Variants in FPGT observed in about 807,000 individuals in gnomAD.
FPGT encodes GDP-L-fucose diphosphorylase.
A neutral mutation model predicts 45.8 loss-of-function variants in FPGT; 41 were observed. That is an observed-to-expected ratio of 0.90 (90% CI 0.70 to 1.16). The LOEUF is 1.16. FPGT is among the 50% of genes most tolerant of loss of function. The probability of loss-of-function intolerance (pLI) is 0.00; values close to 1 mark genes in which losing one functional copy is unlikely to be tolerated. For missense variants in FPGT, 755 were observed against 689.1 expected, an observed-to-expected ratio of 1.10 and a Z score of -1.07; for synonymous variants, 292 against 247.2, an observed-to-expected ratio of 1.18 and a Z score of -1.70.
At position 74,208,586 on chromosome 1, in the gene FPGT, G is replaced by A. The variant is rs185318031; in HGVS notation, c.*2754G>A. On this transcript the variant is annotated 3_prime_UTR_variant, in exon 4 of 4. Coordinates refer to ENST00000370898, the MANE Select transcript of FPGT (RefSeq NM_003838.5). ...TTTAATAACTATCAACAAGGGCATG[G>A]GAAAAATTCAACATTTGATAATAAT... Among the ~76,000 whole-genome samples, 189 of 152,020 alleles carry A rather than the reference G, an allele frequency of 1.2e-3. 1 individual carries two copies. The Middle Eastern group carries it at 0.014, about 11-fold the overall frequency.
At position 74,199,743 on chromosome 1, in the gene FPGT, C is replaced by T. The variant is rs757805088; in HGVS notation, c.162C>T (p.Asn54=). The T allele has an allele frequency of 3.1e-6, 5 of 1,614,010 alleles. No homozygotes were observed. The highest frequency in any genetic ancestry group is 4.2e-6 in the Non-Finnish European group (5 of 1,180,024). ...AADEKQELAY[N]QQLSEKLKRK... is the part of the protein sequence containing the mutation. ...ATGAAAAACAGGAACTTGCTTACAACCAACAGCTGTCAGAAAAGCTGAAAA... is the reference window on the plus strand; with the variant it reads ...ATGAAAAACAGGAACTTGCTTACAATCAACAGCTGTCAGAAAAGCTGAAAA... Residue 54 remains asparagine, a synonymous_variant, in exon 2 of 4, where the codon AAC becomes AAT. Coordinates refer to ENST00000370898, the MANE Select transcript of FPGT (RefSeq NM_003838.5).
rs933271866 is a variant in FPGT at position 74,199,768 on chromosome 1, A to C, written c.187A>C (p.Arg63=). The C allele has an allele frequency of 1.2e-6, 2 of 1,614,076 alleles. No individual in the cohort carries two copies. The highest frequency in any genetic ancestry group is 2.7e-5 in the African/African-American group (2 of 74,938). ...YNQQLSEKLK[R]KELPLGVQYH... ...CCAACAGCTGTCAGAAAAGCTGAAA[A>C]GAAAGGAGTTACCCCTTGGAGTTCA... Residue 63 remains arginine, a synonymous_variant, in exon 2 of 4, where the codon AGA becomes CGA. Coordinates refer to ENST00000370898, the MANE Select transcript of FPGT (RefSeq NM_003838.5).
chr1:74,207,856 A>G lies in FPGT; in HGVS notation c.*2024A>G, dbSNP rs1325083572. Among the ~76,000 whole-genome samples, 2 of 152,036 alleles carry G rather than the reference A, an allele frequency of 1.3e-5. No homozygotes were observed. The highest frequency in any genetic ancestry group is 1.3e-4 in the Admixed American group (2 of 15,242). On this transcript the variant is annotated 3_prime_UTR_variant, in exon 4 of 4. Transcript: ENST00000370898. ...ATGTTATATGTTTATTAAGTGCTCA[A>G]TACTGTATTTTAACCTAATCTGAAT...
intron 2 of FPGT, among the ~76,000 whole-genome samples, chr1:74,200,468 C>T: frequency 6.7e-6 from 1 of 149,410 alleles, no homozygotes; most frequent in East Asian, 1.9e-4. Flanking sequence ...TTAATCCTTA[C>T]AACTATGAGG....
In FPGT at chr1:74,206,009, C is replaced by G; in HGVS notation, c.*177C>G. 4.4e-6 allele frequency: 2 copies of G among 453,924 alleles called. No homozygotes were observed. The highest frequency in any genetic ancestry group is 7.7e-6 in the Non-Finnish European group (2 of 258,756). 28.1% of individuals were successfully genotyped at this position (453,924 alleles called of 1,614,324 possible). ...CATTTTGATGAAAAATATTCCAAGA[C>G]TAAGTTGAGAAAAGAGATACTATTT... On this transcript the variant is annotated 3_prime_UTR_variant, in exon 4 of 4. Transcript: ENST00000370898.
chr1:74,205,478 GAA>G lies in FPGT; in HGVS notation c.1435_1436del (p.Lys479GlufsTer28). On this transcript the variant is annotated frameshift_variant, in exon 4 of 4. Coordinates refer to ENST00000370898, the MANE Select transcript of FPGT (RefSeq NM_003838.5). LOFTEE classifies it high-confidence loss of function. Reference sequence around the variant, plus strand: ...TGGCATTTGGAGTGCAAGACAACTTGAAAAAGAGTGTGAAAACATTGTCAGAT... The same window carrying G: ...TGGCATTTGGAGTGCAAGACAACTTGAAAGAGTGTGAAAACATTGTCAGAT... ...TMAFGVQDNL[K>X]KSVKTLSDIK... The G allele has an allele frequency of 6.2e-7, 1 of 1,613,576 alleles. No homozygotes were observed. The highest frequency in any genetic ancestry group is 8.5e-7 in the Non-Finnish European group (1 of 1,179,538).
In FPGT at chr1:74,204,776, T is replaced by A. The variant is rs781280156; in HGVS notation, c.729T>A (p.Cys243Ter). Residue 243 changes from cysteine (C) to a stop codon, truncating the protein, a stop_gained, in exon 4 of 4, where the codon TGT becomes TGA. Transcript: ENST00000370898. LOFTEE classifies it high-confidence loss of function. ...AGATGTATCAGTTTAATGCTGTGTG[T>A]AGACCTGGAAATTTTTGTCAACAGG... ...IEKMYQFNAV[C>*]RPGNFCQQDF... The A allele has an allele frequency of 1.9e-6, 3 of 1,613,904 alleles. No homozygotes were observed. The highest frequency in any genetic ancestry group is 1.6e-4 in the Middle Eastern group (1 of 6,062).
intron 3 of FPGT, among the ~76,000 whole-genome samples, 200 bp from the exon 4 acceptor site, chr1:74,204,191 A>G (rs534041974): frequency 4.6e-5 from 7 of 152,160 alleles, no homozygotes; most frequent in Non-Finnish European, 7.3e-5. Flanking sequence ...TCTTATATCA[A>G]ATGGCAACAA....
At position 74,204,947 on chromosome 1, in the gene FPGT, C is replaced by G. The variant is rs770826837; in HGVS notation, c.900C>G (p.Ala300=). The change falls in exon 4 of 4, where the codon GCC becomes GCG. Residue 300 remains alanine (A), a synonymous_variant. Transcript: ENST00000370898. ...KIGTLSCEID[A]YGDFLQALGP... is the part of the protein sequence containing the mutation. ...GCACACTGAGCTGTGAAATAGATGC[C>G]TATGGTGACTTTCTGCAGGCTTTGG... is the stretch of plus-strand genomic sequence containing the variant. 1.2e-6 allele frequency: 2 copies of G among 1,614,040 alleles called. No homozygotes were observed. The highest frequency in any genetic ancestry group is 1.1e-5 in the South Asian group (1 of 91,072).
chr1:74,199,310 T>C (rs1021203758), intron 1 of FPGT, among the ~76,000 whole-genome samples: 2 of 152,230 alleles, frequency 1.3e-5, no homozygotes, highest in African/African-American at 4.8e-5. Flanking sequence ...TGTTTATGTT[T>C]ATCTCCTCTT....
At position 74,205,483 on chromosome 1, in the gene FPGT, A is replaced by ATTTC. The variant is rs763292758; in HGVS notation, c.1436_1437insTTTC (p.Lys479AsnfsTer30). 86 of 1,613,398 alleles carry ATTTC rather than the reference A, an allele frequency of 5.3e-5. No homozygotes were observed. The highest frequency in any genetic ancestry group is 6.1e-5 in the Non-Finnish European group (72 of 1,179,408). On this transcript the variant is annotated frameshift_variant, in exon 4 of 4. Transcript: ENST00000370898. LOFTEE classifies it high-confidence loss of function. ...TTTGGAGTGCAAGACAACTTGAAAA[A>ATTTC]GAGTGTGAAAACATTGTCAGATATA...
rs765172400 is a variant in FPGT, at chr1:74,204,499, A to G, written c.452A>G (p.Tyr151Cys). 20 of 1,610,354 alleles carry G rather than the reference A, an allele frequency of 1.2e-5. No individual in the cohort carries two copies. Among genetic ancestry groups the G allele is most frequent in the Non-Finnish European group, 8.5e-6 (10 of 1,176,680 alleles). ...ATGCTAGAATTAAAACTAGCCATGT[A>G]CATTGATTTCCCCTTAAATATGAAT... ...YQMLELKLAMYIDFPLNMNPG... is the reference protein window; with the variant it reads ...YQMLELKLAMCIDFPLNMNPG... Residue 151 changes from tyrosine (Y) to cysteine (C), a missense_variant, in exon 4 of 4, where the codon TAC (tyrosine) becomes TGC (cysteine). Physicochemically the swap from Tyr to Cys is radical, Grantham distance 194. Transcript: ENST00000370898.
chr1:74,205,366 A>G lies in FPGT; in HGVS notation c.1319A>G (p.Tyr440Cys), dbSNP rs1302097993. Residue 440 changes from tyrosine (Y) to cysteine (C), a missense_variant, in exon 4 of 4, where the codon TAC (tyrosine) becomes TGC (cysteine). Coordinates refer to ENST00000370898, the MANE Select transcript of FPGT (RefSeq NM_003838.5). ...GAAAACTGCATTATTAGTGGTTCTT[A>G]CATCCTAACAAAAGCTGCCCTCCCC... ...VGENCIISGS[Y>C]ILTKAALPAH... The G allele has an allele frequency of 1.2e-6, 2 of 1,614,116 alleles. No individual in the cohort carries two copies. Among genetic ancestry groups the G allele is most frequent in the Admixed American group, 3.3e-5 (2 of 60,020 alleles).
chr1:74,205,182 C>T lies in FPGT; in HGVS notation c.1135C>T (p.Leu379Phe), dbSNP rs769365683. The T allele has an allele frequency of 1.2e-6, 2 of 1,613,770 alleles. No homozygotes were observed. The highest frequency in any genetic ancestry group is 8.5e-7 in the Non-Finnish European group (1 of 1,179,710). The change falls in exon 4 of 4, where the codon CTC becomes TTC. Residue 379 changes from leucine to phenylalanine, a missense_variant. Physicochemically the swap from Leu to Phe is conservative, Grantham distance 22 (BLOSUM62 0). Transcript: ENST00000370898. ...FTSDNSLKSE[L>F]GLQSITFSIF... is the part of the protein sequence containing the mutation. ...CTCAGATAACAGTTTAAAGTCAGAG[C>T]TCGGCTTACAGTCCATAACTTTTAG...
Position 74,204,884 on chromosome 1 carries a change from A to C in FPGT, c.837A>C (p.Lys279Asn). The change falls in exon 4 of 4, where the codon AAA (lysine) becomes AAC (asparagine). Residue 279 changes from lysine (K) to asparagine (N), a missense_variant. Transcript: ENST00000370898. ...ATAGCCTATTTTATATGGATCATAA[A>C]TCAGCAAAAATGTTACTTGCTTTTT... ...YTDSLFYMDH[K>N]SAKMLLAFYE... 1 of 1,613,856 alleles carries C rather than the reference A, an allele frequency of 6.2e-7. No homozygotes were observed.
Position 74,205,388 on chromosome 1 carries a change from C to A in FPGT, c.1341C>A (p.Leu447=), listed in dbSNP as rs1652190068. The A allele has an allele frequency of 6.2e-7, 1 of 1,613,878 alleles. No individual in the cohort carries two copies. Residue 447 remains leucine (L), a synonymous_variant, in exon 4 of 4, where the codon CTC becomes CTA. Coordinates refer to ENST00000370898, the MANE Select transcript of FPGT (RefSeq NM_003838.5). ...CTTACATCCTAACAAAAGCTGCCCT[C>A]CCCGCACATTCTTTTGTATGTTCCT... is the stretch of plus-strand genomic sequence containing the variant. ...SGSYILTKAA[L]PAHSFVCSLS... is the part of the protein sequence containing the mutation.
chr1:74,204,602 A>G lies in FPGT; in HGVS notation c.555A>G (p.Lys185=), dbSNP rs1158223211. 6.2e-7 allele frequency: 1 copy of G among 1,613,606 alleles called. No individual in the cohort carries two copies. Among genetic ancestry groups the G allele is most frequent in the Non-Finnish European group, 8.5e-7 (1 of 1,179,688 alleles). The change falls in exon 4 of 4, where the codon AAA becomes AAG. Residue 185 remains lysine, a synonymous_variant. Coordinates refer to ENST00000370898, the MANE Select transcript of FPGT (RefSeq NM_003838.5). Reference sequence around the variant, plus strand: ...AATTTGAGTTTATTAGGTTTGACAAACCTGGCTTTACTGCTTTAGCTCATC... The same window carrying G: ...AATTTGAGTTTATTAGGTTTGACAAGCCTGGCTTTACTGCTTTAGCTCATC... ...IGEFEFIRFD[K]PGFTALAHPS... is the part of the protein sequence containing the mutation.
Position 74,205,040 on chromosome 1 carries a change from A to G in FPGT, c.993A>G (p.Val331=), listed in dbSNP as rs1032299727. 6.2e-7 allele frequency: 1 copy of G among 1,613,544 alleles called. No individual in the cohort carries two copies. Among genetic ancestry groups the G allele is most frequent in the Non-Finnish European group, 8.5e-7 (1 of 1,179,586 alleles). ...SNVIKEESEL[V]EMRQRIFHLL... ...TCATTAAAGAAGAGTCAGAGTTGGT[A>G]GAAATGAGGCAGAGAATATTTCATC... The change falls in exon 4 of 4, where the codon GTA becomes GTG. Residue 331 remains valine (V), a synonymous_variant. Transcript: ENST00000370898.
chr1:74,203,207 G>C (rs1439078274), intron 3 of FPGT, among the ~76,000 whole-genome samples: 2 of 152,110 alleles, frequency 1.3e-5, no homozygotes, highest in Non-Finnish European at 2.9e-5. Context: ...CTTGAGTGGT[G>C]CATCGTGCTA....
Sources: allele counts gnomAD v4.1 joint callset (sites outside exome capture counted in the v4.1 genomes callset), GRCh38; gene constraint gnomAD v4.1.1; transcripts MANE v1.5; gene names NCBI Gene and HGNC (gene_info 2026-07-23, HGNC 2026-07-21).